The following MMEL1 variants were observed in gnomAD, a reference collection of about 807,000 sequenced individuals.
MMEL1 encodes membrane metalloendopeptidase like 1.
In MMEL1, 98 loss-of-function variants were observed where a neutral mutation model predicts 117.1. The observed-to-expected ratio is 0.84, with a 90% CI of 0.71 to 0.99. MMEL1 has a LOEUF of 0.99. Ranked by LOEUF, MMEL1 falls within the 50% of genes least tolerant of loss-of-function variation. The probability of loss-of-function intolerance (pLI) is 0.00; values close to 1 mark genes in which losing one functional copy is unlikely to be tolerated. For synonymous variants in MMEL1, 390 were observed against 415.1 expected (o/e 0.94, Z 0.74); for missense variants, 1,014 against 1,049.1 (o/e 0.97, Z 0.46).
rs139809061 is a variant in MMEL1 at position 2,622,747 on chromosome 1, T to C, written c.154+6584A>G. On this transcript the variant is annotated intron_variant, in intron 2 of 23. Coordinates refer to ENST00000378412, the MANE Select transcript of MMEL1 (RefSeq NM_033467.4). ...TAAAAATACAAAAATTATTTGGGCG[T>C]GGTGGTGGGCACCAGTAATCCCAGC... Among the ~76,000 whole-genome samples, 341 of 152,072 alleles carry C rather than the reference T, an allele frequency of 2.2e-3. 2 individuals carry two copies. Among genetic ancestry groups the C allele is most frequent in the African/African-American group, 7.8e-3 (325 of 41,468 alleles).
intron 8 of MMEL1, among the ~76,000 whole-genome samples, chr1:2,605,857 G>C (rs1213595492): frequency 6.6e-6 from 1 of 152,092 alleles, no homozygotes. Context: ...AGGGGTTCAG[G>C]CTGTCCCGGG....
At chr1:2,624,429 C>A (rs1645338134) in intron 2 of MMEL1, among the ~76,000 whole-genome samples, 1 of 152,204 alleles carries the variant, frequency 6.6e-6, no homozygotes, top group African/African-American at 2.4e-5. Context: ...CACACTCACG[C>A]ACTGATGGAA....
chr1:2,608,374 C>T (rs180893053), intron 6 of MMEL1, among the ~76,000 whole-genome samples: 34 of 152,220 alleles, frequency 2.2e-4, no homozygotes, highest in African/African-American at 7.0e-4. Context: ...GCTCCAAGCA[C>T]GTGAATTCCT....
chr1:2,609,857 G>A (rs1249762690), intron 4 of MMEL1, 26 bp from the exon 5 acceptor site: 19 of 1,583,876 alleles, frequency 1.2e-5, no homozygotes, highest in Non-Finnish European at 1.5e-5. Context: ...GCGTGGAGCA[G>A]GGAGAGGGGA....
rs369496996 is a variant in MMEL1, at chr1:2,592,902, G to C, written c.1932C>G (p.Phe644Leu). The C allele has an allele frequency of 2.5e-6, 4 of 1,613,732 alleles. No individual in the cohort carries two copies. Among genetic ancestry groups the C allele is most frequent in the African/African-American group, 1.3e-5 (1 of 74,898 alleles). ...AGATCATGCACTCTGACTGCTCCCG[G>C]AAGTGCTGGGTGGAGAAGTTACTCC... The part of the protein sequence containing the change: ...DWWSNFSTQH[F>L]REQSECMIYQ... The change falls in exon 20 of 24, where the codon TTC becomes TTG. Residue 644 changes from phenylalanine to leucine, a missense_variant. Physicochemically the swap from Phe to Leu is conservative, Grantham distance 22. Transcript: ENST00000378412.
At chr1:2,600,013 G>A (rs1244504386) in intron 11 of MMEL1, among the ~76,000 whole-genome samples, 3 of 152,114 alleles carry the variant, frequency 2.0e-5, no homozygotes, top group African/African-American at 7.2e-5. Flanking sequence ...TGTTGCCCAG[G>A]TTCAAGTGCA....
At chr1:2,615,293 C>G (rs1645184909) in intron 2 of MMEL1, among the ~76,000 whole-genome samples, 1 of 152,160 alleles carries the variant, frequency 6.6e-6, no homozygotes, top group Non-Finnish European at 1.5e-5. Context: ...AGGTTAACAT[C>G]AACAGTGATA....
chr1:2,624,077 G>A (rs1431768764), intron 2 of MMEL1, among the ~76,000 whole-genome samples: 1 of 152,156 alleles, frequency 6.6e-6, no homozygotes, highest in Non-Finnish European at 1.5e-5. Flanking sequence ...TGCATCCCCA[G>A]CCCCAGGTAT....
intron 2 of MMEL1, among the ~76,000 whole-genome samples, chr1:2,628,353 G>T (rs960231446): frequency 2.6e-5 from 4 of 152,222 alleles, no homozygotes; most frequent in African/African-American, 4.8e-5. Context: ...ACAGCCTCCC[G>T]CAGGGGTGGA....
chr1:2,620,450 G>T (rs898053556), intron 2 of MMEL1, among the ~76,000 whole-genome samples: 3 of 152,168 alleles, frequency 2.0e-5, no homozygotes, highest in Non-Finnish European at 4.4e-5. Flanking sequence ...CACAAGCAAG[G>T]TCTCAAATGC....
intron 2 of MMEL1, among the ~76,000 whole-genome samples, chr1:2,618,819 T>G (rs1195773115): frequency 6.6e-6 from 1 of 152,134 alleles, no homozygotes; most frequent in Non-Finnish European, 1.5e-5. Context: ...AATCTTACAT[T>G]AGTGAGAGAA....
chr1:2,622,461 T>C (rs911870206), intron 2 of MMEL1, among the ~76,000 whole-genome samples: 4 of 152,166 alleles, frequency 2.6e-5, no homozygotes, highest in Non-Finnish European at 5.9e-5. Flanking sequence ...AATTATTTAA[T>C]AAGAACTGCC....
In MMEL1 at chr1:2,592,723, G is replaced by C. The variant is rs375953913; in HGVS notation, c.2002-3C>G. On this transcript the variant is annotated splice_polypyrimidine_tract_variant and splice_region_variant and intron_variant, in intron 20 of 23. Coordinates refer to ENST00000378412, the MANE Select transcript of MMEL1 (RefSeq NM_033467.4). Reference sequence around the variant, plus strand: ...CCAAGGGTGTTGAATCCGTTCACCTGCGCACAGGAGACAGGATTGGGGCAG... The same window carrying C: ...CCAAGGGTGTTGAATCCGTTCACCTCCGCACAGGAGACAGGATTGGGGCAG... 8.7e-6 allele frequency: 14 copies of C among 1,611,706 alleles called. No individual in the cohort carries two copies. The highest frequency in any genetic ancestry group is 1.2e-5 in the Non-Finnish European group (14 of 1,179,264).
chr1:2,613,915 A>G (rs990346433), intron 2 of MMEL1, among the ~76,000 whole-genome samples: 3 of 152,174 alleles, frequency 2.0e-5, no homozygotes, highest in African/African-American at 7.2e-5. Context: ...TCTGATTCCA[A>G]TTATGTGACA....
At position 2,591,033 on chromosome 1, in the gene MMEL1, C is replaced by T. The variant is rs199926063; in HGVS notation, c.2297G>A (p.Arg766Gln). ...AAFADTFHCA[R>Q]GTPMHPKERC... ...CTCCTTGGGGTGCATGGGGGTGCCC[C>T]GGGCACAGTGGAACGTGTCTGCGAA... The change falls in exon 24 of 24, where the codon CGG (arginine) becomes CAG (glutamine). Residue 766 changes from arginine to glutamine, a missense_variant. Coordinates refer to ENST00000378412, the MANE Select transcript of MMEL1 (RefSeq NM_033467.4). The T allele has an allele frequency of 1.1e-4, 183 of 1,606,000 alleles. 1 individual carries two copies. The East Asian group carries it at 2.9e-3, about 25-fold the overall frequency.
chr1:2,622,580 A>T (rs902651985), intron 2 of MMEL1, among the ~76,000 whole-genome samples: 2 of 152,216 alleles, frequency 1.3e-5, no homozygotes. Flanking sequence ...GTAGGTAAAA[A>T]GTAAGATAGA....
chr1:2,595,251 T>G lies in MMEL1; in HGVS notation c.1584+25A>C, dbSNP rs757847101. ...CCCATGTCCACGGTGTGGGGGGCAG[T>G]TTAGGGCTGGGGTTGGGGGCGCACA... On this transcript the variant is annotated intron_variant, in intron 16 of 23. Transcript: ENST00000378412. This position sits in a 1 kb window ranked among gnomAD's most constrained non-coding sequence, Gnocchi z 4.8. 1.6e-5 allele frequency: 25 copies of G among 1,605,070 alleles called. No individual in the cohort carries two copies. In the South Asian group the frequency reaches 2.6e-4, roughly 17 times the overall value.
rs1238510041 is a variant in MMEL1 at position 2,596,548 on chromosome 1, G to A, written c.1401+13C>T. 6.2e-7 allele frequency: 1 copy of A among 1,606,942 alleles called. No individual in the cohort carries two copies. Among genetic ancestry groups the A allele is most frequent in the Non-Finnish European group, 8.5e-7 (1 of 1,179,516 alleles). The stretch of plus-strand genomic sequence containing the variant: ...GGCTGGCCCCGCGTGGGCCATGGAT[G>A]AGGGGCGCCCACCATGCTCTTGCTG... On this transcript the variant is annotated intron_variant, in intron 14 of 23. Transcript: ENST00000378412.
chr1:2,609,905 C>T, intron 4 of MMEL1, 74 bp from the exon 5 acceptor site: 2 of 1,503,812 alleles, frequency 1.3e-6, no homozygotes, highest in Non-Finnish European at 1.8e-6. Flanking sequence ...AGCCTGTCTC[C>T]CGGTCCAAGA....
Sources: allele counts gnomAD v4.1 joint callset (sites outside exome capture counted in the v4.1 genomes callset), GRCh38; gene constraint gnomAD v4.1.1; non-coding constraint Gnocchi (gnomAD v3.1); transcripts MANE v1.5; gene names NCBI Gene and HGNC (gene_info 2026-07-23, HGNC 2026-07-21).